GFRA2: variants seen among roughly 807,000 people sequenced by gnomAD.
GFRA2 encodes GDNF family receptor alpha 2, also known as GDNF family receptor alpha-2.
A neutral mutation model predicts 48.3 loss-of-function variants in GFRA2; 17 were observed. The observed-to-expected ratio is 0.35, with a 90% CI of 0.24 to 0.53. GFRA2 has a LOEUF of 0.53. GFRA2 is among the 20% of genes least tolerant of loss of function. The pLI is 0.93. For missense variants in GFRA2, 660 were observed against 637.3 expected, an observed-to-expected ratio of 1.04 and a Z score of -0.38; for synonymous variants, 305 against 257.2, an observed-to-expected ratio of 1.19 and a Z score of -1.78.
chr8:21,782,557 C>A, intron 2 of GFRA2, 28 bp downstream of exon 2: 1 of 1,522,638 alleles, frequency 6.6e-7, no homozygotes. Flanking sequence ...ACACCCCCTC[C>A]CCTTGGGCAA....
At chr8:21,790,677 C>G (rs901485315), upstream of GFRA2, among the ~76,000 whole-genome samples, 27 of 152,312 alleles carry the variant, frequency 1.8e-4, no homozygotes, top group South Asian at 1.9e-3. Flanking sequence ...CGAGCCTAGG[C>G]CCTAGCTGGG....
At chr8:21,779,602 TG>T (rs1806876102) in intron 2 of GFRA2, 1 of 152,238 alleles carries the variant, frequency 6.6e-6, no homozygotes, top group Non-Finnish European at 1.5e-5. Flanking sequence ...AGTCCGGCTC[TG>T]GGTGAAGACA....
intron 7 of GFRA2, 29 bp from the exon 8 acceptor site, chr8:21,694,546 G>T (rs148009045): frequency 5.6e-6 from 9 of 1,598,844 alleles, no homozygotes; most frequent in South Asian, 1.1e-5. Flanking sequence ...CAGTCAGGAC[G>T]AGTCACCAGG....
chr8:21,767,622 G>A (rs1328278452), intron 3 of GFRA2, among the ~76,000 whole-genome samples: 4 of 152,242 alleles, frequency 2.6e-5, no homozygotes, highest in Non-Finnish European at 5.9e-5. Flanking sequence ...GTCCGGCCAA[G>A]AGCCGCCCCA....
At chr8:21,730,603 C>A (rs1283137356) in intron 4 of GFRA2, among the ~76,000 whole-genome samples, 3 of 152,146 alleles carry the variant, frequency 2.0e-5, no homozygotes, top group African/African-American at 7.2e-5. Context: ...AGGTGCCTCT[C>A]CAGCACCATC....
intron 2 of GFRA2, among the ~76,000 whole-genome samples, chr8:21,779,995 T>C (rs1172513567): frequency 6.6e-6 from 1 of 151,242 alleles, no homozygotes; most frequent in African/African-American, 2.4e-5. Flanking sequence ...GTCTTCTTCA[T>C]GGCAACATCG....
At chr8:21,703,488 C>T (rs1053214444) in intron 6 of GFRA2, among the ~76,000 whole-genome samples, 4 of 152,150 alleles carry the variant, frequency 2.6e-5, no homozygotes, top group African/African-American at 9.7e-5. Context: ...GGCCTCTGCT[C>T]CTCCCACACC....
intron 1 of GFRA2, among the ~76,000 whole-genome samples, chr8:21,783,900 GTTTT>G (rs1261165396): frequency 4.6e-5 from 7 of 151,874 alleles, no homozygotes; most frequent in African/African-American, 1.7e-4. Flanking sequence ...CAATGGCCTT[GTTTT>G]TTTCTCTCTC....
intron 2 of GFRA2, among the ~76,000 whole-genome samples, chr8:21,777,767 G>A (rs1389620527): frequency 1.3e-5 from 2 of 152,202 alleles, no homozygotes; most frequent in Admixed American, 1.3e-4. Context: ...AAAGGGACCT[G>A]GATAAGGAGT....
chr8:21,797,287 C>CTTTTTTTTTTTTTTTTTTTTTTT (rs1159867192), intron 2 of GFRA2, among the ~76,000 whole-genome samples: 2 of 85,638 alleles, frequency 2.3e-5, no homozygotes, highest in African/African-American at 4.8e-5. Context: ...CCTTTCTTTG[C>CTTTTTTTTTTTTTTTTTTTTTTT]TTTTTTTTTT....
intron 2 of GFRA2, among the ~76,000 whole-genome samples, chr8:21,800,742 C>T (rs764667700): frequency 0.045 from 6,870 of 152,144 alleles, 214 homozygotes; most frequent in Middle Eastern, 0.078. Flanking sequence ...CCAGGCAACA[C>T]GGTGAGACCC....
chr8:21,755,067 G>C (rs1268925455), intron 3 of GFRA2, among the ~76,000 whole-genome samples: 2 of 152,082 alleles, frequency 1.3e-5, no homozygotes, highest in Admixed American at 6.5e-5. Context: ...AGTGGGGAGT[G>C]GGGGAGGAAG....
chr8:21,766,514 A>C (rs1374186055), intron 3 of GFRA2, among the ~76,000 whole-genome samples: 1 of 151,640 alleles, frequency 6.6e-6, no homozygotes, highest in African/African-American at 2.4e-5. Context: ...AAGCTCCCCG[A>C]GTTAGCGCGG....
chr8:21,767,632 A>G (rs1806241003), intron 3 of GFRA2, among the ~76,000 whole-genome samples: 1 of 152,242 alleles, frequency 6.6e-6, no homozygotes, highest in African/African-American at 2.4e-5. Flanking sequence ...GAGCCGCCCC[A>G]CACCCCAGCC....
chr8:21,796,375 G>C (rs1028803222), intron 2 of GFRA2, among the ~76,000 whole-genome samples: 11 of 152,318 alleles, frequency 7.2e-5, no homozygotes, highest in Non-Finnish European at 1.2e-4. Context: ...GCCAAGCCTT[G>C]GGGAGCCGGC....
At chr8:21,801,553 C>T (rs1353911418) in intron 2 of GFRA2, among the ~76,000 whole-genome samples, 1 of 150,130 alleles carries the variant, frequency 6.7e-6, no homozygotes, top group Non-Finnish European at 1.5e-5. Context: ...CCCCACCCAC[C>T]CCCTTCATAG....
Position 21,715,985 on chromosome 8 carries a change from C to G in GFRA2, c.795-9944G>C, listed in dbSNP as rs1409563190. The stretch of plus-strand genomic sequence containing the variant: ...ATTTTATTATGTAAGCCAATTGATT[C>G]TGTTTTTATTTTTCTTAAGGTAGTT... On this transcript the variant is annotated intron_variant, in intron 4 of 8. Transcript: ENST00000524240. Among the ~76,000 whole-genome samples the G allele has an allele frequency of 1.3e-5, 2 of 152,140 alleles. 1 individual carries two copies. The highest frequency in any genetic ancestry group is 2.9e-5 in the Non-Finnish European group (2 of 68,020).
chr8:21,769,077 CT>C (rs1806316458), intron 3 of GFRA2: 1 of 621,514 alleles, frequency 1.6e-6, no homozygotes, highest in Non-Finnish European at 2.0e-6. Context: ...TACATTGCTA[CT>C]GAAAACAAGC....
chr8:21,778,202 G>A (rs1422543329), intron 2 of GFRA2, among the ~76,000 whole-genome samples: 1 of 147,630 alleles, frequency 6.8e-6, no homozygotes, highest in Non-Finnish European at 1.5e-5. Flanking sequence ...GTTATTAAAT[G>A]TTATCAAGGA....
Sources: gnomAD v4.1 joint callset for allele counts (sites outside exome capture counted in the v4.1 genomes callset) on GRCh38, gnomAD v4.1.1 for gene constraint, MANE v1.5 for transcripts, NCBI Gene and HGNC (gene_info 2026-07-23, HGNC 2026-07-21) for gene names.